Variants in SNED1 observed in about 807,000 individuals in gnomAD.
SNED1 encodes sushi, nidogen and EGF-like domain-containing protein 1.
In SNED1, 81 loss-of-function variants were observed where a neutral mutation model predicts 166.7. The ratio of observed to expected loss-of-function variants is 0.49; its 90% confidence interval spans 0.41 to 0.58. The LOEUF is 0.58. Among genes scored for constraint, SNED1 ranks in the 20% least tolerant of loss-of-function variants. The pLI, the probability that SNED1 is intolerant of heterozygous loss-of-function variation, is 0.00. For synonymous variants in SNED1, 762 were observed against 822.0 expected, an observed-to-expected ratio of 0.93 and a Z score of 1.25; for missense variants, 1,604 against 2,000.2, an observed-to-expected ratio of 0.80 and a Z score of 3.78.
rs13391241 is a variant in SNED1, at chr2:241,082,394, G to A, written c.4121+30G>A. ...GTTGGTTTCTGTCCTCCGCCTTACC[G>A]CATTTGTCGTGTGTTCTTGACTCCT... On this transcript the variant is annotated intron_variant, in intron 29 of 31. Coordinates refer to ENST00000310397, the MANE Select transcript of SNED1 (RefSeq NM_001080437.3). The A allele has an allele frequency of 7.7e-3, 11,996 of 1,558,954 alleles. 720 individuals carry two copies. The African/African-American group carries it at 0.13, about 17-fold the overall frequency.
At chr2:241,066,681 A>T (rs1299334346) in intron 21 of SNED1, among the ~76,000 whole-genome samples, 1 of 152,192 alleles carries the variant, frequency 6.6e-6, no homozygotes, top group Non-Finnish European at 1.5e-5. Flanking sequence ...AGCATCCAGC[A>T]GGGCCCTGCG....
rs950594851 is a variant in SNED1 at position 241,018,493 on chromosome 2, G to A, written c.214-11791G>A. Among the ~76,000 whole-genome samples the A allele has an allele frequency of 1.3e-5, 2 of 152,220 alleles. No individual in the cohort carries two copies. Among genetic ancestry groups the A allele is most frequent in the African/African-American group, 4.8e-5 (2 of 41,456 alleles). On this transcript the variant is annotated intron_variant, in intron 1 of 31. Coordinates refer to ENST00000310397, the MANE Select transcript of SNED1 (RefSeq NM_001080437.3). This position sits in a 1 kb window ranked among gnomAD's most constrained non-coding sequence, Gnocchi z 5.4. ...CACTCAGCCCCCTGCACGTCCCGGG[G>A]TCTAAGGTGGTCCCTGGTCAGGAGC...
intron 16 of SNED1, among the ~76,000 whole-genome samples, chr2:241,060,951 A>G (rs10171826): frequency 0.088 from 13,436 of 152,104 alleles, 1,085 homozygotes; most frequent in African/African-American, 0.21. Flanking sequence ...ACCAAAAAAA[A>G]CTATATAATT....
chr2:241,012,825 C>CTTTTTTT (rs59199140), intron 1 of SNED1, among the ~76,000 whole-genome samples: 2 of 134,874 alleles, frequency 1.5e-5, no homozygotes, highest in Non-Finnish European at 1.6e-5. Flanking sequence ...TTTTTTTTTT[C>CTTTTTTT]TTTTTTTTTT....
Position 241,064,936 on chromosome 2 carries a change from A to G in SNED1, c.2692A>G (p.Thr898Ala). 1.3e-6 allele frequency: 2 copies of G among 1,584,342 alleles called. No homozygotes were observed. Among genetic ancestry groups the G allele is most frequent in the Admixed American group, 1.9e-5 (1 of 52,578 alleles). ...SHSCTCKVGY[T>A]GEDCAKELFP... is the part of the protein sequence containing the mutation. ...CAGCTGCACCTGCAAAGTGGGCTAC[A>G]CGGGCGAGGACTGCGCCAAAGGTGG... The change falls in exon 20 of 32, where the codon ACG becomes GCG. Residue 898 changes from threonine to alanine, a missense_variant. Around this residue, in one of 2 missense-constraint regions of SNED1, gnomAD observed 1,237 missense variants for 1,620.8 expected, o/e 0.76. Transcript: ENST00000310397. This position sits in a 1 kb window ranked among gnomAD's most constrained non-coding sequence, Gnocchi z 7.0.
intron 6 of SNED1, among the ~76,000 whole-genome samples, chr2:241,039,015 G>A (rs1366711142): frequency 1.3e-5 from 2 of 152,212 alleles, no homozygotes; most frequent in Non-Finnish European, 2.9e-5. Flanking sequence ...TGGGTCTGCA[G>A]CATGTCAGTT....
At chr2:241,081,573 C>T (rs192662176) in intron 27 of SNED1, 104 bp from the exon 28 acceptor site, 382 of 836,634 alleles carry the variant, frequency 4.6e-4, no homozygotes, top group African/African-American at 4.2e-3. Context: ...GAGGAGTGCA[C>T]GGCCACCCTG....
At chr2:241,072,440 G>A in intron 26 of SNED1, 1 of 358,106 alleles carries the variant, frequency 2.8e-6, no homozygotes, top group Admixed American at 3.8e-5. Context: ...GCAGGAGTGA[G>A]GCAGGCGCGA....
At chr2:241,055,037 A>G (rs556458966) in intron 16 of SNED1, among the ~76,000 whole-genome samples, 1 of 152,204 alleles carries the variant, frequency 6.6e-6, no homozygotes, top group African/African-American at 2.4e-5. Flanking sequence ...GAATCGCTTG[A>G]GCCTGGGAGG....
chr2:241,085,892 T>C (rs2063551335), intron 29 of SNED1, among the ~76,000 whole-genome samples: 2 of 132,092 alleles, frequency 1.5e-5, no homozygotes, highest in South Asian at 2.4e-4. Context: ...TTTGAGACAG[T>C]GTCTTGCTCT....
At chr2:241,022,031 T>C (rs2060790004) in intron 1 of SNED1, among the ~76,000 whole-genome samples, 1 of 152,256 alleles carries the variant, frequency 6.6e-6, no homozygotes, top group African/African-American at 2.4e-5. Context: ...AGCATCTTTT[T>C]GTATGTTATT....
intron 1 of SNED1, among the ~76,000 whole-genome samples, chr2:241,028,959 C>A (rs1237699728): frequency 6.6e-6 from 1 of 152,114 alleles, no homozygotes; most frequent in African/African-American, 2.4e-5. Flanking sequence ...TAACTTGAGG[C>A]CTAAGATGAT....
intron 1 of SNED1, among the ~76,000 whole-genome samples, chr2:241,022,248 A>G (rs1047275639): frequency 1.3e-5 from 2 of 152,168 alleles, no homozygotes; most frequent in African/African-American, 2.4e-5. Flanking sequence ...CAGTTCATCT[A>G]TGTTTTCTTT....
At chr2:241,014,273 G>A (rs2060504907) in intron 1 of SNED1, among the ~76,000 whole-genome samples, 2 of 152,096 alleles carry the variant, frequency 1.3e-5, no homozygotes, top group South Asian at 4.1e-4. Flanking sequence ...CCTCTCAAAG[G>A]TGTGAGCCAC....
At chr2:241,054,649 C>G (rs2061988874) in intron 16 of SNED1, among the ~76,000 whole-genome samples, 1 of 152,194 alleles carries the variant, frequency 6.6e-6, no homozygotes, top group Non-Finnish European at 1.5e-5. Flanking sequence ...CCATCCAAAA[C>G]AGGATCGATA....
chr2:241,035,774 G>A (rs2061334117), intron 4 of SNED1: 1 of 142,608 alleles, frequency 7.0e-6, no homozygotes, highest in Non-Finnish European at 1.5e-5. Context: ...TGGGGGATGG[G>A]GTATGCAGGT....
At chr2:241,072,257 G>A (rs896565277) in intron 26 of SNED1, 17 of 479,062 alleles carry the variant, frequency 3.5e-5, no homozygotes, top group South Asian at 4.7e-5. Flanking sequence ...GGTCTAACCC[G>A]CCACTCCGAG....
chr2:241,021,465 C>T (rs2060772215), intron 1 of SNED1, among the ~76,000 whole-genome samples: 1 of 152,220 alleles, frequency 6.6e-6, no homozygotes, highest in Non-Finnish European at 1.5e-5. Context: ...TCCACTGCAG[C>T]TCCAGACAGT....
chr2:241,068,143 G>A lies in SNED1; in HGVS notation c.3194+196G>A, dbSNP rs1287721711. 6.6e-6 allele frequency among the ~76,000 whole-genome samples: 1 copy of A among 152,162 alleles called. No individual in the cohort carries two copies. Among genetic ancestry groups the A allele is most frequent in the Non-Finnish European group, 1.5e-5 (1 of 68,024 alleles). ...TTCACTCCCGCCTCACCTCATCAGG[G>A]CTGCCAAGAGAGGATACACCTTGGT... On this transcript the variant is annotated intron_variant, in intron 22 of 31. Transcript: ENST00000310397. The surrounding 1 kb of genome is among the most constrained non-coding windows in gnomAD (Gnocchi z 5.3).
Sources: allele counts gnomAD v4.1 joint callset (sites outside exome capture counted in the v4.1 genomes callset), GRCh38; gene constraint gnomAD v4.1.1; regional missense constraint gnomAD v4.1.1; non-coding constraint Gnocchi (gnomAD v3.1); transcripts MANE v1.5; gene names NCBI Gene and HGNC (gene_info 2026-07-23, HGNC 2026-07-21).